Variants in ZNF441 observed in about 807,000 individuals in gnomAD.
ZNF441 encodes zinc finger protein 441.
In ZNF441, 25 loss-of-function variants were observed where a neutral mutation model predicts 64.5. The observed-to-expected ratio is 0.39, with a 90% CI of 0.28 to 0.54. The LOEUF (loss-of-function observed/expected upper bound fraction) is 0.54, where lower values mean the gene tolerates loss of function less well. Ranked by LOEUF, ZNF441 falls within the 20% of genes least tolerant of loss-of-function variation. The pLI, the probability that ZNF441 is intolerant of heterozygous loss-of-function variation, is 0.70. For synonymous variants in ZNF441, 262 were observed against 268.0 expected (o/e 0.98, Z 0.22); for missense variants, 715 against 843.3 (o/e 0.85, Z 1.88).
chr19:11,779,572 C>T (rs1294934535), intron 3 of ZNF441, among the ~76,000 whole-genome samples: 2 of 151,862 alleles, frequency 1.3e-5, no homozygotes, highest in Non-Finnish European at 1.5e-5. Context: ...GGTGAAACCC[C>T]GTCTCTACTA....
chr19:11,771,546 C>T (rs59685848), intron 1 of ZNF441, among the ~76,000 whole-genome samples: 23,031 of 152,084 alleles, frequency 0.15, 3,735 homozygotes, highest in African/African-American at 0.39. Context: ...CATTAGTTGG[C>T]AGTAATTACT....
intron 1 of ZNF441, among the ~76,000 whole-genome samples, chr19:11,775,483 C>T (rs1435719246): frequency 6.6e-6 from 1 of 152,078 alleles, no homozygotes; most frequent in East Asian, 1.9e-4. Context: ...GTGCCCACCA[C>T]CACGCCCGGC....
intron 1 of ZNF441, among the ~76,000 whole-genome samples, chr19:11,771,279 A>G (rs1695064719): frequency 6.6e-6 from 1 of 152,222 alleles, no homozygotes; most frequent in Non-Finnish European, 1.5e-5. Flanking sequence ...GATAAATTAC[A>G]TGGAATGGAC....
At position 11,782,990 on chromosome 19, in the gene ZNF441, G is replaced by A. The variant is rs1435064454; in HGVS notation, c.*1084G>A. Reference sequence around the variant, plus strand: ...AAAAAGTAGCTGTGCAAAGTAAAGGGAACAACAAGAGTGCAGAGAAAACCT... The same window carrying A: ...AAAAAGTAGCTGTGCAAAGTAAAGGAAACAACAAGAGTGCAGAGAAAACCT... On this transcript the variant is annotated 3_prime_UTR_variant, in exon 4 of 4. Transcript: ENST00000357901. 1 of 152,140 alleles carries A rather than the reference G, an allele frequency of 6.6e-6. No individual in the cohort carries two copies. Among genetic ancestry groups the A allele is most frequent in the Non-Finnish European group, 1.5e-5 (1 of 68,002 alleles). The allele number at this position is 152,140 out of a possible 1,614,324, so 9.4% of individuals were successfully genotyped here.
chr19:11,771,396 C>T (rs1975312093), intron 1 of ZNF441, among the ~76,000 whole-genome samples: 1 of 152,048 alleles, frequency 6.6e-6, no homozygotes, highest in African/African-American at 2.4e-5. Context: ...AATAAAAGTC[C>T]CAGGCTGTGG....
chr19:11,768,595 C>T lies in ZNF441; in HGVS notation c.3+1399C>T, dbSNP rs115914604. Among the ~76,000 whole-genome samples the T allele has an allele frequency of 3.8e-3, 576 of 152,304 alleles. 1 individual carries two copies. Among genetic ancestry groups the T allele is most frequent in the African/African-American group, 0.013 (548 of 41,554 alleles). Reference sequence around the variant, plus strand: ...GCCACCCCAAGATGCCCACAGCTGCCAAGTCTCTTGTAGTGTCAAGTGAAT... The same window carrying T: ...GCCACCCCAAGATGCCCACAGCTGCTAAGTCTCTTGTAGTGTCAAGTGAAT... On this transcript the variant is annotated intron_variant, in intron 1 of 3. Coordinates refer to ENST00000357901, the MANE Select transcript of ZNF441 (RefSeq NM_152355.3).
rs919754242 is a variant in ZNF441, at chr19:11,783,021, A to G, written c.*1115A>G. ...CAAGAGTGCAGAGAAAACCTGTTGA[A>G]TATGAGAGAATATTTGCAAACTATG... On this transcript the variant is annotated 3_prime_UTR_variant, in exon 4 of 4. Transcript: ENST00000357901. The G allele has an allele frequency of 1.3e-5, 2 of 152,202 alleles. No homozygotes were observed. Among genetic ancestry groups the G allele is most frequent in the African/African-American group, 4.8e-5 (2 of 41,454 alleles). The allele number at this position is 152,202 out of a possible 1,614,324, so 9.4% of individuals were successfully genotyped here.
chr19:11,780,215 T>C lies in ZNF441; in HGVS notation c.391T>C (p.Cys131Arg). 6.2e-7 allele frequency: 1 copy of C among 1,614,148 alleles called. No individual in the cohort carries two copies. ...YVRVDSEHKP[C>R]EYQEYGEKPY... ...TAGAGTTGACAGTGAACACAAACCA[T>C]GTGAGTATCAAGAATATGGAGAGAA... The change falls in exon 4 of 4, where the codon TGT (cysteine) becomes CGT (arginine). Residue 131 changes from cysteine to arginine, a missense_variant. Physicochemically the swap from Cys to Arg is radical, Grantham distance 180. Transcript: ENST00000357901.
chr19:11,780,793 T>G lies in ZNF441; in HGVS notation c.969T>G (p.Val323=), dbSNP rs771305789. 6.2e-7 allele frequency: 1 copy of G among 1,614,144 alleles called. No homozygotes were observed. The highest frequency in any genetic ancestry group is 8.5e-7 in the Non-Finnish European group (1 of 1,180,026). Residue 323 remains valine (V), a synonymous_variant, in exon 4 of 4, where the codon GTT becomes GTG. Coordinates refer to ENST00000357901, the MANE Select transcript of ZNF441 (RefSeq NM_152355.3). ...CGKGFLSPSS[V]RRHKRTHTGE... is the part of the protein sequence containing the mutation. ...AAGGCTTTCTTTCTCCCAGTTCAGT[T>G]CGAAGACATAAAAGAACTCACACTG... is the stretch of plus-strand genomic sequence containing the variant.
Position 11,780,631 on chromosome 19 carries a change from A to G in ZNF441, c.807A>G (p.Leu269=), listed in dbSNP as rs774569594. The G allele has an allele frequency of 3.1e-6, 5 of 1,614,176 alleles. No homozygotes were observed. The highest frequency in any genetic ancestry group is 1.7e-5 in the Admixed American group (1 of 60,024). ...TCAGTTGTTCCTGTTACACTCAACT[A>G]TATGAAAGGACTCACACTGGAGAAC... The part of the protein sequence containing the change: ...KAFSCSCYTQ[L]YERTHTGEQS... The change falls in exon 4 of 4, where the codon CTA becomes CTG. Residue 269 remains leucine (L), a synonymous_variant. Coordinates refer to ENST00000357901, the MANE Select transcript of ZNF441 (RefSeq NM_152355.3).
Position 11,783,645 on chromosome 19 carries a change from TG to T in ZNF441, c.*1741del, listed in dbSNP as rs1975422049. The T allele has an allele frequency of 6.6e-6, 1 of 152,204 alleles. No homozygotes were observed. The highest frequency in any genetic ancestry group is 1.5e-5 in the Non-Finnish European group (1 of 68,038). The allele number at this position is 152,204 out of a possible 1,614,324, so 9.4% of individuals were successfully genotyped here. A position where few individuals can be genotyped will look rare whatever the true frequency, so the allele number is the denominator to read the frequency against. ...ACATGGATGGAACTTGAGGTCATTA[TG>T]GTAAGTGAAATAAGCCAGGCACAGA... On this transcript the variant is annotated 3_prime_UTR_variant, in exon 4 of 4. Coordinates refer to ENST00000357901, the MANE Select transcript of ZNF441 (RefSeq NM_152355.3).
chr19:11,777,494 C>A, intron 1 of ZNF441, 117 bp from the exon 2 acceptor site: 2 of 1,181,952 alleles, frequency 1.7e-6, no homozygotes, highest in South Asian at 3.0e-5. Flanking sequence ...GTGGGTTTAC[C>A]ATGTTCTTGA....
chr19:11,780,529 T>C lies in ZNF441; in HGVS notation c.705T>C (p.Ala235=), dbSNP rs565170169. Reference sequence around the variant, plus strand: ...AGCAGTGTTCTACAGCGTTTCCTGCTTATAGTTCCACTCTAAGACATGAAA... The same window carrying C: ...AGCAGTGTTCTACAGCGTTTCCTGCCTATAGTTCCACTCTAAGACATGAAA... The part of the protein sequence containing the change: ...EYEQCSTAFP[A]YSSTLRHERT... Residue 235 remains alanine (A), a synonymous_variant, in exon 4 of 4, where the codon GCT becomes GCC. Transcript: ENST00000357901. The C allele has an allele frequency of 1.9e-6, 3 of 1,614,058 alleles. No individual in the cohort carries two copies.
chr19:11,777,778 A>T (rs1568481066), intron 2 of ZNF441, 41 bp downstream of exon 2: 1 of 1,583,292 alleles, frequency 6.3e-7, no homozygotes. Flanking sequence ...AATTAGAGAC[A>T]TTTGTTTCTT....
At chr19:11,774,764 C>T (rs1975341540) in intron 1 of ZNF441, among the ~76,000 whole-genome samples, 1 of 152,136 alleles carries the variant, frequency 6.6e-6, no homozygotes, top group African/African-American at 2.4e-5. Flanking sequence ...CTGAGGTTCT[C>T]AGAGATGGTT....
chr19:11,767,238 G>A lies in ZNF441; in HGVS notation c.3+42G>A, dbSNP rs1436514136. 2 of 1,555,084 alleles carry A rather than the reference G, an allele frequency of 1.3e-6. No homozygotes were observed. The highest frequency in any genetic ancestry group is 3.3e-4 in the Middle Eastern group (2 of 5,992). On this transcript the variant is annotated intron_variant, in intron 1 of 3. Coordinates refer to ENST00000357901, the MANE Select transcript of ZNF441 (RefSeq NM_152355.3). The surrounding 1 kb of genome is among the most constrained non-coding windows in gnomAD (Gnocchi z 5.1). ...TGGTGTCCCGACGCGTGAGAGGAGA[G>A]ACTGGTTGGAACCGGCCGGAACCGG...
At position 11,781,250 on chromosome 19, in the gene ZNF441, G is replaced by A. The variant is rs750962204; in HGVS notation, c.1426G>A (p.Glu476Lys). Residue 476 changes from glutamate to lysine, a missense_variant, in exon 4 of 4, where the codon GAA (glutamate) becomes AAA (lysine). Glu to Lys is a moderately conservative substitution (Grantham distance 56). This residue lies in a region of ZNF441 where 316 missense variants were observed against 429.3 expected (regional missense o/e 0.74). Coordinates refer to ENST00000357901, the MANE Select transcript of ZNF441 (RefSeq NM_152355.3). ...GACTCACACTGGAGAAAAGCCCTATGAATGTAAGCAGTGTGGAAAAGCACT... is the reference window on the plus strand; with the variant it reads ...GACTCACACTGGAGAAAAGCCCTATAAATGTAAGCAGTGTGGAAAAGCACT... ...EKTHTGEKPY[E>K]CKQCGKALSH... 37 of 1,613,524 alleles carry A rather than the reference G, an allele frequency of 2.3e-5. No homozygotes were observed. The highest frequency in any genetic ancestry group is 3.1e-5 in the Non-Finnish European group (37 of 1,179,938).
rs1306284256 is a variant in ZNF441 at position 11,781,665 on chromosome 19, C to G, written c.1841C>G (p.Pro614Arg). The G allele has an allele frequency of 1.9e-6, 3 of 1,613,980 alleles. No homozygotes were observed. Among genetic ancestry groups the G allele is most frequent in the African/African-American group, 2.7e-5 (2 of 74,920 alleles). ...GAAAGAACTCACACTGGAGAGAAAC[C>G]CTATGAATGCAAGGAATGTGGTAAA... ...RHERTHTGEK[P>R]YECKECGKAF... Residue 614 changes from proline to arginine, a missense_variant, in exon 4 of 4, where the codon CCC (proline) becomes CGC (arginine). By Grantham distance (103) the Pro-to-Arg change is moderately radical. Coordinates refer to ENST00000357901, the MANE Select transcript of ZNF441 (RefSeq NM_152355.3).
rs1975424144 is a variant in ZNF441 at position 11,783,865 on chromosome 19, G to A, written c.*1959G>A. On this transcript the variant is annotated 3_prime_UTR_variant, in exon 4 of 4. Transcript: ENST00000357901. Reference sequence around the variant, plus strand: ...AGCATACTAGAGTGAACTATAGTTAGCAAAAATATATTGCATATTTCAAAG... The same window carrying A: ...AGCATACTAGAGTGAACTATAGTTAACAAAAATATATTGCATATTTCAAAG... 2.0e-5 allele frequency: 3 copies of A among 152,150 alleles called. No individual in the cohort carries two copies. In the South Asian group the frequency reaches 6.2e-4, roughly 31 times the overall value. The allele number at this position is 152,150 out of a possible 1,614,324, so 9.4% of individuals were successfully genotyped here. A position where few individuals can be genotyped will look rare whatever the true frequency, so the allele number is the denominator to read the frequency against.
Sources: gnomAD v4.1 joint callset for allele counts (sites outside exome capture counted in the v4.1 genomes callset) on GRCh38, gnomAD v4.1.1 for gene constraint, gnomAD v4.1.1 regional missense constraint, Gnocchi (gnomAD v3.1) non-coding constraint, MANE v1.5 for transcripts, NCBI Gene and HGNC (gene_info 2026-07-23, HGNC 2026-07-21) for gene names.